The following IFNA10 variants were observed in gnomAD, a reference collection of about 807,000 sequenced individuals.
The protein encoded by IFNA10 is interferon alpha 10, also known as interferon alpha-10.
For synonymous variants in IFNA10, 96 were observed against 83.7 expected (o/e 1.15, Z -0.80); for missense variants, 246 against 213.0 (o/e 1.15, Z -0.96).
At position 21,206,841 on chromosome 9, in the gene IFNA10, T is replaced by C. The variant is rs1818279842; in HGVS notation, c.257A>G (p.Gln86Arg). ...CTCTGTGCTGAAGAGATTGAAGGTCTGCTGGATCATCTCATGGAGGACAGA... is the reference window on the plus strand; with the variant it reads ...CTCTGTGCTGAAGAGATTGAAGGTCCGCTGGATCATCTCATGGAGGACAGA... ...AISVLHEMIQ[Q>R]TFNLFSTEDS... is the part of the protein sequence containing the mutation. Residue 86 changes from glutamine to arginine, a missense_variant, in exon 1 of 1, where the codon CAG becomes CGG. Transcript: ENST00000357374. 2 of 1,613,520 alleles carry C rather than the reference T, an allele frequency of 1.2e-6. No homozygotes were observed. Among genetic ancestry groups the C allele is most frequent in the African/African-American group, 2.7e-5 (2 of 74,692 alleles).
In IFNA10 at chr9:21,207,059, C is replaced by T. The variant is rs367834725; in HGVS notation, c.39G>A (p.Val13=). The T allele has an allele frequency of 6.8e-5, 110 of 1,611,244 alleles. No individual in the cohort carries two copies. Among genetic ancestry groups the T allele is most frequent in the South Asian group, 2.4e-4 (22 of 90,814 alleles). ...LSFSLLMAVL[V]LSYKSICSLG... is the part of the protein sequence containing the mutation. The stretch of plus-strand genomic sequence containing the variant: ...GAGAACAGATGGATTTGTAGCTGAG[C>T]ACCAGCACGGCCATAAGTAAAGAAA... The change falls in exon 1 of 1, where the codon GTG becomes GTA. Residue 13 remains valine, a synonymous_variant. Coordinates refer to ENST00000357374, the MANE Select transcript of IFNA10 (RefSeq NM_002171.2).
Position 21,206,897 on chromosome 9 carries a change from A to T in IFNA10, c.201T>A (p.Asp67Glu), listed in dbSNP as rs768721886. Residue 67 changes from aspartate to glutamate, a missense_variant, in exon 1 of 1, where the codon GAT becomes GAA. Asp to Glu is a conservative substitution (Grantham distance 45, BLOSUM62 2). Transcript: ENST00000357374. ...HDFRIPQEEF[D>E]GNQFQKAQAI... ...CTTGAGCCTTCTGGAACTGGTTGCCATCAAACTCCTCCTGGGGGATTCGGA... is the reference window on the plus strand; with the variant it reads ...CTTGAGCCTTCTGGAACTGGTTGCCTTCAAACTCCTCCTGGGGGATTCGGA... 1.1e-5 allele frequency: 17 copies of T among 1,613,740 alleles called. No homozygotes were observed. The highest frequency in any genetic ancestry group is 3.4e-6 in the Non-Finnish European group (4 of 1,179,970).
Position 21,206,926 on chromosome 9 carries a change from C to T in IFNA10, c.172G>A (p.Asp58Asn). The change falls in exon 1 of 1, where the codon GAT (aspartate) becomes AAT (asparagine). Residue 58 changes from aspartate to asparagine, a missense_variant. Asp to Asn is a conservative substitution (Grantham distance 23). Transcript: ENST00000357374. ...AACTCCTCCTGGGGGATTCGGAAAT[C>T]ATGTCTGTCCTTCAGGCAGGAGAAA... ...SPFSCLKDRHDFRIPQEEFDG... is the reference protein window; with the variant it reads ...SPFSCLKDRHNFRIPQEEFDG... 1 of 1,613,844 alleles carries T rather than the reference C, an allele frequency of 6.2e-7. No homozygotes were observed. Among genetic ancestry groups the T allele is most frequent in the South Asian group, 1.1e-5 (1 of 91,068 alleles).
In IFNA10 at chr9:21,207,032, T is replaced by A. The variant is rs10117060; in HGVS notation, c.66A>T (p.Leu22=). The part of the protein sequence containing the change: ...LVLSYKSICS[L]GCDLPQTHSL... Reference sequence around the variant, plus strand: ...TGTGGGTCTGAGGCAGATCACAGCCTAGAGAACAGATGGATTTGTAGCTGA... The same window carrying A: ...TGTGGGTCTGAGGCAGATCACAGCCAAGAGAACAGATGGATTTGTAGCTGA... Residue 22 remains leucine (L), a synonymous_variant, in exon 1 of 1, where the codon CTA becomes CTT. Transcript: ENST00000357374. 3 of 1,605,898 alleles carry A rather than the reference T, an allele frequency of 1.9e-6. No individual in the cohort carries two copies. Among genetic ancestry groups the A allele is most frequent in the South Asian group, 2.2e-5 (2 of 90,844 alleles).
In IFNA10 at chr9:21,206,513, A is replaced by C. The variant is rs775833367; in HGVS notation, c.*15T>G. The C allele has an allele frequency of 1.7e-5, 27 of 1,612,750 alleles. No homozygotes were observed. Among genetic ancestry groups the C allele is most frequent in the African/African-American group, 4.0e-5 (3 of 74,708 alleles). The stretch of plus-strand genomic sequence containing the variant: ...GTATTAGTCAATCAGGATCATTGCC[A>C]TGTTGAACCAGTTTTCAATCCTTCC... On this transcript the variant is annotated 3_prime_UTR_variant, in exon 1 of 1. Coordinates refer to ENST00000357374, the MANE Select transcript of IFNA10 (RefSeq NM_002171.2).
rs1484241444 is a variant in IFNA10, at chr9:21,207,117, C to T, written c.-20G>A. 3.2e-6 allele frequency: 5 copies of T among 1,580,198 alleles called. No homozygotes were observed. Among genetic ancestry groups the T allele is most frequent in the Non-Finnish European group, 4.3e-6 (5 of 1,164,938 alleles). On this transcript the variant is annotated 5_prime_UTR_variant, in exon 1 of 1. Transcript: ENST00000357374. Reference sequence around the variant, plus strand: ...GGCCATTGGGATGTTGCAAATATTGCTAGGCTACTTGAGATGGATAACCTT... The same window carrying T: ...GGCCATTGGGATGTTGCAAATATTGTTAGGCTACTTGAGATGGATAACCTT...
rs146907935 is a variant in IFNA10 at position 21,206,818 on chromosome 9, C to T, written c.280G>A (p.Glu94Lys). ...TGTTCCCAAGCAGCAGATGAGTCCT[C>T]TGTGCTGAAGAGATTGAAGGTCTGC... ...IQQTFNLFST[E>K]DSSAAWEQSL... Residue 94 changes from glutamate to lysine, a missense_variant, in exon 1 of 1, where the codon GAG (glutamate) becomes AAG (lysine). Glu to Lys is a moderately conservative substitution (Grantham distance 56). Coordinates refer to ENST00000357374, the MANE Select transcript of IFNA10 (RefSeq NM_002171.2). 3.7e-4 allele frequency: 592 copies of T among 1,613,064 alleles called. No individual in the cohort carries two copies. The highest frequency in any genetic ancestry group is 4.4e-4 in the Non-Finnish European group (519 of 1,179,740).
In IFNA10 at chr9:21,206,191, A is replaced by T; in HGVS notation, c.*337T>A. 6.0e-6 allele frequency: 1 copy of T among 166,306 alleles called. No individual in the cohort carries two copies. 10.3% of individuals were successfully genotyped at this position (166,306 alleles called of 1,614,324 possible). On this transcript the variant is annotated 3_prime_UTR_variant, in exon 1 of 1. Coordinates refer to ENST00000357374, the MANE Select transcript of IFNA10 (RefSeq NM_002171.2). ...AACACAAGAAATTTTGTATAGTAAA[A>T]ATTTAATGAAAAAGGAAATTAATAT...
At position 21,206,656 on chromosome 9, in the gene IFNA10, G is replaced by C. The variant is rs1818276379; in HGVS notation, c.442C>G (p.Gln148Glu). The C allele has an allele frequency of 3.1e-6, 5 of 1,613,914 alleles. No individual in the cohort carries two copies. Among genetic ancestry groups the C allele is most frequent in the Non-Finnish European group, 4.2e-6 (5 of 1,180,006 alleles). Reference protein sequence around the residue: ...DSILAVRKYFQRITLYLIERK... With the variant: ...DSILAVRKYFERITLYLIERK... ...TCTATTAGATAAAGAGTGATTCTTT[G>C]GAAGTATTTCCTCACAGCCAGGATG... The change falls in exon 1 of 1, where the codon CAA (glutamine) becomes GAA (glutamate). Residue 148 changes from glutamine (Q) to glutamate (E), a missense_variant. Gln to Glu is a conservative substitution (Grantham distance 29). Transcript: ENST00000357374.
In IFNA10 at chr9:21,206,772, G is replaced by A. The variant is rs755622923; in HGVS notation, c.326C>T (p.Ser109Phe). 9 of 1,612,666 alleles carry A rather than the reference G, an allele frequency of 5.6e-6. No individual in the cohort carries two copies. The highest frequency in any genetic ancestry group is 5.0e-5 in the Admixed American group (3 of 59,858). Residue 109 changes from serine (S) to phenylalanine (F), a missense_variant, in exon 1 of 1, where the codon TCC becomes TTC. By Grantham distance (155) the Ser-to-Phe change is radical. Coordinates refer to ENST00000357374, the MANE Select transcript of IFNA10 (RefSeq NM_002171.2). ...ATTCAGTTGCTGGTAAAGTTCAGTGGAAAATTTTTCTAGGAGGCTCTGTTC... is the reference window on the plus strand; with the variant it reads ...ATTCAGTTGCTGGTAAAGTTCAGTGAAAAATTTTTCTAGGAGGCTCTGTTC... ...AWEQSLLEKF[S>F]TELYQQLNDL...
At position 21,207,135 on chromosome 9, in the gene IFNA10, A is replaced by G. The variant is rs368084782; in HGVS notation, c.-38T>C. 3,214 of 1,555,316 alleles carry G rather than the reference A, an allele frequency of 2.1e-3. 76 individuals are homozygous for G. The African/African-American group carries it at 0.039, about 19-fold the overall frequency. ...AATATTGCTAGGCTACTTGAGATGG[A>G]TAACCTTGAACTTCGGCCTCTAGGT... is the stretch of plus-strand genomic sequence containing the variant. On this transcript the variant is annotated 5_prime_UTR_variant, in exon 1 of 1. Coordinates refer to ENST00000357374, the MANE Select transcript of IFNA10 (RefSeq NM_002171.2).
chr9:21,207,101 G>C lies in IFNA10; in HGVS notation c.-4C>G, dbSNP rs759930114. ...GTAAAGAAAAGGACAGGGCCATTGG[G>C]ATGTTGCAAATATTGCTAGGCTACT... On this transcript the variant is annotated 5_prime_UTR_variant, in exon 1 of 1. In the 5' UTR this introduces an upstream ATG that the reference lacks. Transcript: ENST00000357374. 2 of 1,592,592 alleles carry C rather than the reference G, an allele frequency of 1.3e-6. No individual in the cohort carries two copies. The highest frequency in any genetic ancestry group is 1.7e-6 in the Non-Finnish European group (2 of 1,171,122).
At position 21,206,930 on chromosome 9, in the gene IFNA10, T is replaced by C; in HGVS notation, c.168A>G (p.Arg56=). 2 of 1,613,898 alleles carry C rather than the reference T, an allele frequency of 1.2e-6. No homozygotes were observed. The highest frequency in any genetic ancestry group is 1.6e-4 in the Middle Eastern group (1 of 6,062). The change falls in exon 1 of 1, where the codon AGA becomes AGG. Residue 56 remains arginine (R), a synonymous_variant. Coordinates refer to ENST00000357374, the MANE Select transcript of IFNA10 (RefSeq NM_002171.2). ...RISPFSCLKD[R]HDFRIPQEEF... is the part of the protein sequence containing the mutation. ...CCTCCTGGGGGATTCGGAAATCATGTCTGTCCTTCAGGCAGGAGAAAGGAG... is the reference window on the plus strand; with the variant it reads ...CCTCCTGGGGGATTCGGAAATCATGCCTGTCCTTCAGGCAGGAGAAAGGAG...
rs757692725 is a variant in IFNA10, at chr9:21,206,813, G to A, written c.285C>T (p.Asp95=). The A allele has an allele frequency of 2.5e-6, 4 of 1,613,120 alleles. No individual in the cohort carries two copies. Among genetic ancestry groups the A allele is most frequent in the East Asian group, 4.5e-5 (2 of 44,866 alleles). ...GGCTCTGTTCCCAAGCAGCAGATGA[G>A]TCCTCTGTGCTGAAGAGATTGAAGG... ...QQTFNLFSTE[D]SSAAWEQSLL... The change falls in exon 1 of 1, where the codon GAC becomes GAT. Residue 95 remains aspartate (D), a synonymous_variant. Coordinates refer to ENST00000357374, the MANE Select transcript of IFNA10 (RefSeq NM_002171.2).
rs927644008 is a variant in IFNA10, at chr9:21,206,735, T to C, written c.363A>G (p.Ala121=). 6.2e-7 allele frequency: 1 copy of C among 1,613,130 alleles called. No individual in the cohort carries two copies. The highest frequency in any genetic ancestry group is 8.5e-7 in the Non-Finnish European group (1 of 1,179,696). ...ELYQQLNDLE[A]CVIQEVGVEE... ...CCACCCCAACCTCCTGTATCACACA[T>C]GCTTCCAGGTCATTCAGTTGCTGGT... Residue 121 remains alanine, a synonymous_variant, in exon 1 of 1, where the codon GCA becomes GCG. Coordinates refer to ENST00000357374, the MANE Select transcript of IFNA10 (RefSeq NM_002171.2).
At position 21,206,453 on chromosome 9, in the gene IFNA10, T is replaced by C. The variant is rs1818270427; in HGVS notation, c.*75A>G. ...GCGTCGTGGTTATAGAAGTGAGTCT[T>C]TGAAATGGAAGAACTCATGAAAGTG... On this transcript the variant is annotated 3_prime_UTR_variant, in exon 1 of 1. Transcript: ENST00000357374. 1 of 1,584,546 alleles carries C rather than the reference T, an allele frequency of 6.3e-7. No homozygotes were observed. The highest frequency in any genetic ancestry group is 2.0e-5 in the Admixed American group (1 of 51,126).
At position 21,206,646 on chromosome 9, in the gene IFNA10, G is replaced by A. The variant is rs751465414; in HGVS notation, c.452C>T (p.Thr151Ile). The A allele has an allele frequency of 2.5e-6, 4 of 1,613,898 alleles. No individual in the cohort carries two copies. Among genetic ancestry groups the A allele is most frequent in the African/African-American group, 2.7e-5 (2 of 74,860 alleles). Residue 151 changes from threonine to isoleucine, a missense_variant, in exon 1 of 1, where the codon ACT (threonine) becomes ATT (isoleucine). Thr to Ile is a moderately conservative substitution (Grantham distance 89). Transcript: ENST00000357374. The stretch of plus-strand genomic sequence containing the variant: ...GTATTTCCTCTCTATTAGATAAAGA[G>A]TGATTCTTTGGAAGTATTTCCTCAC... ...LAVRKYFQRI[T>I]LYLIERKYSP... is the part of the protein sequence containing the mutation.
Position 21,206,573 on chromosome 9 carries a change from G to C in IFNA10, c.525C>G (p.Leu175=). ...TTTTTTGCAAGTTTGTTGAAAACGA[G>C]AGGGATCTCATGATTTCTGCTCTGA... ...EVVRAEIMRS[L]SFSTNLQKRL... is the part of the protein sequence containing the mutation. The change falls in exon 1 of 1, where the codon CTC becomes CTG. Residue 175 remains leucine, a synonymous_variant. Transcript: ENST00000357374. 1.2e-6 allele frequency: 2 copies of C among 1,613,882 alleles called. No homozygotes were observed. Among genetic ancestry groups the C allele is most frequent in the Non-Finnish European group, 1.7e-6 (2 of 1,179,974 alleles).
chr9:21,206,331 A>G lies in IFNA10; in HGVS notation c.*197T>C. On this transcript the variant is annotated 3_prime_UTR_variant, in exon 1 of 1. Transcript: ENST00000357374. ...AAATATTTAAACAAAAGATGAACAG[A>G]GACATCAGAATGGTCATCTGTAAAG... 1.7e-6 allele frequency: 1 copy of G among 594,036 alleles called. No individual in the cohort carries two copies. The highest frequency in any genetic ancestry group is 3.3e-5 in the East Asian group (1 of 30,390). 36.8% of individuals were successfully genotyped at this position (594,036 alleles called of 1,614,324 possible).
Sources: gnomAD v4.1 joint callset for allele counts on GRCh38, gnomAD v4.1.1 for gene constraint, MANE v1.5 for transcripts, NCBI Gene and HGNC (gene_info 2026-07-23, HGNC 2026-07-21) for gene names.